The following SPTY2D1 variants were observed in gnomAD, a reference collection of about 807,000 sequenced individuals.
SPTY2D1 encodes the protein SPT2 chromatin protein domain containing 1.
A neutral mutation model predicts 64.0 loss-of-function variants in SPTY2D1; 21 were observed. The ratio of observed to expected loss-of-function variants is 0.33; its 90% CI spans 0.23 to 0.47. SPTY2D1 has a LOEUF of 0.47. Ranked by LOEUF, SPTY2D1 falls within the 20% of genes least tolerant of loss-of-function variation. The pLI, the probability that SPTY2D1 is intolerant of heterozygous loss-of-function variation, is 1.00. For missense variants in SPTY2D1, 724 were observed against 837.2 expected (o/e 0.86, Z 1.67); for synonymous variants, 287 against 286.8 (o/e 1.00, Z -0.01).
Position 18,615,797 on chromosome 11 carries a change from G to A in SPTY2D1, c.477C>T (p.Pro159=), listed in dbSNP as rs144589695. The A allele has an allele frequency of 3.3e-5, 54 of 1,613,906 alleles. No homozygotes were observed. The African/African-American group carries it at 6.3e-4, about 19-fold the overall frequency. Reference sequence around the variant, plus strand: ...TCATGGGTGGTGGGGCACTTTTAAGGGGGACCTTTGGTTTGCTTTCAACTT... The same window carrying A: ...TCATGGGTGGTGGGGCACTTTTAAGAGGGACCTTTGGTTTGCTTTCAACTT... The part of the protein sequence containing the change: ...PPKVESKPKV[P]LKSAPPPMNF... Residue 159 remains proline (P), a synonymous_variant, in exon 3 of 6, where the codon CCC becomes CCT. Transcript: ENST00000336349.
chr11:18,610,166 A>G (rs1160015897), intron 5 of SPTY2D1: 2 of 465,236 alleles, frequency 4.3e-6, no homozygotes, highest in East Asian at 6.5e-5. Flanking sequence ...CTCACACACC[A>G]CAAAAACCTT....
rs35411689 is a variant in SPTY2D1 at position 18,612,350 on chromosome 11, T to C, written c.1850A>G (p.Lys617Arg). ...DEGEPQEEIS[K>R]HIREIFGYDR... ...ATAACCAAAGATTTCTCTAATGTGC[T>C]TGGATATTTCTTCCTGAGGCTCTCC... Residue 617 changes from lysine to arginine, a missense_variant, in exon 4 of 6, where the codon AAG becomes AGG. By Grantham distance (26) the Lys-to-Arg change is conservative. Coordinates refer to ENST00000336349, the MANE Select transcript of SPTY2D1 (RefSeq NM_194285.3). The surrounding 1 kb of genome is among the most constrained non-coding windows in gnomAD (Gnocchi z 4.6). 145,739 of 1,608,894 alleles carry C rather than the reference T, an allele frequency of 0.091. 7,882 individuals carry two copies. Among genetic ancestry groups the C allele is most frequent in the East Asian group, 0.23 (10,423 of 44,684 alleles).
chr11:18,612,321 G>T lies in SPTY2D1; in HGVS notation c.1879C>A (p.Arg627=). 1.9e-6 allele frequency: 3 copies of T among 1,579,780 alleles called. No individual in the cohort carries two copies. Among genetic ancestry groups the T allele is most frequent in the Admixed American group, 1.9e-5 (1 of 52,498 alleles). ...KHIREIFGYD[R]KKYKDESDYA... Reference sequence around the variant, plus strand: ...AATCTTCTTTAGTCTTACTTTTTTCGGTCATAACCAAAGATTTCTCTAATG... The same window carrying T: ...AATCTTCTTTAGTCTTACTTTTTTCTGTCATAACCAAAGATTTCTCTAATG... The change falls in exon 4 of 6, where the codon CGA becomes AGA. Residue 627 remains arginine (R), a synonymous_variant. Transcript: ENST00000336349. This position sits in a 1 kb window ranked among gnomAD's most constrained non-coding sequence, Gnocchi z 4.6.
At chr11:18,613,085 A>G (rs1854233855) in intron 3 of SPTY2D1, among the ~76,000 whole-genome samples, 2 of 152,196 alleles carry the variant, frequency 1.3e-5, no homozygotes, top group South Asian at 4.1e-4. Flanking sequence ...ATTTCTAAAA[A>G]TAAATACAAT....
rs145772710 is a variant in SPTY2D1, at chr11:18,628,026, C to T, written c.60+6172G>A. Reference sequence around the variant, plus strand: ...TGGCATCACTGGACTCCAGCCCAGGCGACAGAGCAAGACTCTGTCTCCAAA... The same window carrying T: ...TGGCATCACTGGACTCCAGCCCAGGTGACAGAGCAAGACTCTGTCTCCAAA... On this transcript the variant is annotated intron_variant, in intron 1 of 5. Transcript: ENST00000336349. Among the ~76,000 whole-genome samples the T allele has an allele frequency of 1.8e-3, 267 of 152,140 alleles. 2 individuals are homozygous for T. Among genetic ancestry groups the T allele is most frequent in the African/African-American group, 6.1e-3 (255 of 41,506 alleles).
intron 1 of SPTY2D1, among the ~76,000 whole-genome samples, chr11:18,618,873 C>T (rs1854344820): frequency 6.6e-6 from 1 of 152,184 alleles, no homozygotes; most frequent in African/African-American, 2.4e-5. Context: ...ACCTGAAAAT[C>T]TTGCATGATA....
chr11:18,632,653 A>T (rs970811225), intron 1 of SPTY2D1, among the ~76,000 whole-genome samples: 2 of 152,190 alleles, frequency 1.3e-5, no homozygotes, highest in African/African-American at 4.8e-5. Context: ...CCATCTATTA[A>T]ATTTTAAATT....
intron 1 of SPTY2D1, among the ~76,000 whole-genome samples, chr11:18,629,989 T>C (rs954887005): frequency 2.7e-5 from 4 of 150,732 alleles, no homozygotes; most frequent in Non-Finnish European, 5.9e-5. Flanking sequence ...GCCAACATGG[T>C]GAAACCCCAT....
At chr11:18,621,101 C>T (rs532589248) in intron 1 of SPTY2D1, among the ~76,000 whole-genome samples, 2 of 151,028 alleles carry the variant, frequency 1.3e-5, no homozygotes, top group African/African-American at 2.4e-5. Context: ...GTCAGGAGTT[C>T]GAGACCAGCC....
chr11:18,627,551 T>C (rs1348999718), intron 1 of SPTY2D1, among the ~76,000 whole-genome samples: 1 of 151,950 alleles, frequency 6.6e-6, no homozygotes, highest in Non-Finnish European at 1.5e-5. Flanking sequence ...AAGACCAGAC[T>C]GGCCAACATA....
Position 18,615,231 on chromosome 11 carries a change from G to C in SPTY2D1, c.1043C>G (p.Pro348Arg). The change falls in exon 3 of 6, where the codon CCT (proline) becomes CGT (arginine). Residue 348 changes from proline to arginine, a missense_variant. Pro to Arg is a moderately radical substitution (Grantham distance 103). Coordinates refer to ENST00000336349, the MANE Select transcript of SPTY2D1 (RefSeq NM_194285.3). ...EHKAKKSLSH[P>R]SHSRPGPMVT... ...CATGGGCCCAGGCCTGGAATGGCTA[G>C]GATGGGACAGAGATTTTTTGGCTTT... The C allele has an allele frequency of 6.2e-7, 1 of 1,614,252 alleles. No individual in the cohort carries two copies.
intron 1 of SPTY2D1, among the ~76,000 whole-genome samples, chr11:18,626,057 A>T (rs1854492748): frequency 6.6e-6 from 1 of 152,084 alleles, no homozygotes; most frequent in Non-Finnish European, 1.5e-5. Context: ...TGACCTCATG[A>T]TCCACCCACC....
At chr11:18,618,782 C>T (rs903734462) in intron 1 of SPTY2D1, among the ~76,000 whole-genome samples, 1 of 152,170 alleles carries the variant, frequency 6.6e-6, no homozygotes, top group East Asian at 1.9e-4. Flanking sequence ...CCAAATACGA[C>T]GTATCTTGAA....
intron 2 of SPTY2D1, 124 bp from the exon 3 acceptor site, chr11:18,616,222 G>A (rs1854298342): frequency 5.8e-6 from 5 of 855,836 alleles, no homozygotes; most frequent in Non-Finnish European, 7.0e-6. Flanking sequence ...AGGAAGTCAT[G>A]TGAACAAGTA....
intron 3 of SPTY2D1, 81 bp downstream of exon 3, chr11:18,614,482 A>G (rs1854255766): frequency 7.2e-7 from 1 of 1,380,238 alleles, no homozygotes; most frequent in Non-Finnish European, 1.0e-6. Flanking sequence ...TGAGGGGTTC[A>G]AAGGGTCCCT....
At position 18,615,828 on chromosome 11, in the gene SPTY2D1, G is replaced by C. The variant is rs552161406; in HGVS notation, c.446C>G (p.Pro149Arg). Residue 149 changes from proline to arginine, a missense_variant, in exon 3 of 6, where the codon CCT (proline) becomes CGT (arginine). This residue lies in a region of SPTY2D1 where 179 missense variants were observed against 232.5 expected (regional missense o/e 0.77). Coordinates refer to ENST00000336349, the MANE Select transcript of SPTY2D1 (RefSeq NM_194285.3). ...SEQEYEEEQEPPKVESKPKVP... is the reference protein window; with the variant it reads ...SEQEYEEEQERPKVESKPKVP... ...CTTTGGTTTGCTTTCAACTTTGGGA[G>C]GTTCTTGCTCTTCCTCATACTCCTG... The C allele has an allele frequency of 6.2e-7, 1 of 1,614,072 alleles. No individual in the cohort carries two copies. Among genetic ancestry groups the C allele is most frequent in the African/African-American group, 1.3e-5 (1 of 75,022 alleles).
rs1854165486 is a variant in SPTY2D1, at chr11:18,609,731, G to A, written c.*130C>T. 6.9e-6 allele frequency: 5 copies of A among 724,902 alleles called. No homozygotes were observed. The Admixed American group carries it at 8.2e-5, about 12-fold the overall frequency. The allele number at this position is 724,902 out of a possible 1,614,324, so 44.9% of individuals were successfully genotyped here. ...TATGCTCAAATGACAGCCTGCAAATGACAGTATGCATTCCTTCTCCTTGAG... is the reference window on the plus strand; with the variant it reads ...TATGCTCAAATGACAGCCTGCAAATAACAGTATGCATTCCTTCTCCTTGAG... On this transcript the variant is annotated 3_prime_UTR_variant, in exon 6 of 6. Transcript: ENST00000336349.
At chr11:18,620,318 A>G (rs1008256938) in intron 1 of SPTY2D1, among the ~76,000 whole-genome samples, 2 of 151,720 alleles carry the variant, frequency 1.3e-5, no homozygotes, top group Non-Finnish European at 2.9e-5. Flanking sequence ...GTCTCCACTA[A>G]AAGTACAAAA....
intron 4 of SPTY2D1, among the ~76,000 whole-genome samples, chr11:18,611,914 AGCT>A (rs1854212514): frequency 6.6e-6 from 1 of 152,160 alleles, no homozygotes; most frequent in African/African-American, 2.4e-5. Context: ...ATCTAATTTG[AGCT>A]TCATGACCAT....
Sources: gnomAD v4.1 joint callset for allele counts (sites outside exome capture counted in the v4.1 genomes callset) on GRCh38, gnomAD v4.1.1 for gene constraint, gnomAD v4.1.1 regional missense constraint, Gnocchi (gnomAD v3.1) non-coding constraint, MANE v1.5 for transcripts, NCBI Gene and HGNC (gene_info 2026-07-23, HGNC 2026-07-21) for gene names.